NAA60: variants seen among roughly 807,000 people sequenced by gnomAD.
The protein encoded by NAA60 is N-alpha-acetyltransferase 60.
NAA60 carries 8 observed loss-of-function variants against 26.1 expected under a neutral mutation model. The ratio of observed to expected loss-of-function variants is 0.31; its 90% CI spans 0.18 to 0.55. The LOEUF (loss-of-function observed/expected upper bound fraction) is 0.55. NAA60 is among the 20% of genes least tolerant of loss of function. The pLI, the probability that NAA60 is intolerant of heterozygous loss-of-function variation, is 0.93. For synonymous variants in NAA60, 131 were observed against 122.5 expected (o/e 1.07, Z -0.46); for missense variants, 290 against 311.3 (o/e 0.93, Z 0.51).
At position 3,484,922 on chromosome 16, in the gene NAA60, T is replaced by TCTGA; in HGVS notation, c.*69_*72dup. The TCTGA allele has an allele frequency of 1.9e-6, 3 of 1,544,476 alleles. No individual in the cohort carries two copies. The highest frequency in any genetic ancestry group is 1.7e-6 in the Non-Finnish European group (2 of 1,146,308). On this transcript the variant is annotated 3_prime_UTR_variant, in exon 7 of 8. Transcript: ENST00000407558. The stretch of plus-strand genomic sequence containing the variant: ...CCCGCAGAGCCCGCCTTCCTGTCCA[T>TCTGA]CTGACCCCTTCTGTTTTCTGCAAGG...
At chr16:3,483,321 C>A in intron 5 of NAA60, 42 bp from the exon 6 acceptor site, 1 of 1,460,840 alleles carries the variant, frequency 6.8e-7, no homozygotes, top group Non-Finnish European at 9.4e-7. Flanking sequence ...TCCTTCCTTC[C>A]TAACTGCTCT....
intron 2 of NAA60, chr16:3,449,908 G>A (rs945972786): frequency 5.9e-5 from 23 of 392,022 alleles, no homozygotes; most frequent in African/African-American, 1.0e-4. Context: ...ACCTTCCACC[G>A]TAATTGTGAG....
intron 2 of NAA60, among the ~76,000 whole-genome samples, chr16:3,453,964 G>A (rs1256679592): frequency 6.6e-6 from 1 of 152,096 alleles, no homozygotes; most frequent in East Asian, 1.9e-4. Flanking sequence ...TGTGGGAGGT[G>A]GTGGTTGGAA....
intron 2 of NAA60, among the ~76,000 whole-genome samples, chr16:3,463,477 A>G (rs1317416933): frequency 2.7e-5 from 4 of 149,988 alleles, no homozygotes; most frequent in Middle Eastern, 6.9e-3. Flanking sequence ...ACTTGAGCCC[A>G]GGAGGTGGAG....
rs1161927479 is a variant in NAA60 at position 3,486,766 on chromosome 16, A to T, written c.*1506A>T. 1.3e-5 allele frequency: 2 copies of T among 152,182 alleles called. No homozygotes were observed. The highest frequency in any genetic ancestry group is 2.9e-5 in the Non-Finnish European group (2 of 68,036). The allele number at this position is 152,182 out of a possible 1,614,324, so 9.4% of individuals were successfully genotyped here. A position where few individuals can be genotyped will look rare whatever the true frequency, so the allele number is the denominator to read the frequency against. On this transcript the variant is annotated 3_prime_UTR_variant, in exon 8 of 8. Coordinates refer to ENST00000407558, the MANE Select transcript of NAA60 (RefSeq NM_001083601.3). ...ACTGCGAATCAGTGGCGATCATGTG[A>T]TTTCTATTTCTGCCCCACAGGGTAA...
In NAA60 at chr16:3,460,367, CGTT is replaced by C. The variant is rs143043641; in HGVS notation, c.-7+11834_-7+11836del. ...TTGTTTGTTTTTGTTTTTTTGTTGT[CGTT>C]GTTGTTTTTTGGAGATAGGTTCTCA... is the stretch of plus-strand genomic sequence containing the variant. On this transcript the variant is annotated intron_variant, in intron 2 of 7. Coordinates refer to ENST00000407558, the MANE Select transcript of NAA60 (RefSeq NM_001083601.3). Among the ~76,000 whole-genome samples, 1,101 of 152,096 alleles carry C rather than the reference CGTT, an allele frequency of 7.2e-3. 16 individuals are homozygous for C. The highest frequency in any genetic ancestry group is 0.024 in the African/African-American group (988 of 41,458).
Position 3,484,998 on chromosome 16 carries a change from G to A in NAA60, c.*143G>A, listed in dbSNP as rs886171301. 1.0e-5 allele frequency: 16 copies of A among 1,525,488 alleles called. No homozygotes were observed. The highest frequency in any genetic ancestry group is 6.9e-5 in the African/African-American group (5 of 72,722). 94.5% of individuals were successfully genotyped at this position (1,525,488 alleles called of 1,614,324 possible). On this transcript the variant is annotated 3_prime_UTR_variant, in exon 7 of 8. Transcript: ENST00000407558. ...GTCGGCCTGCCCCAGCTGCAGGCCCGGTGCTACACGGGCTCGGGAACAGAA... is the reference window on the plus strand; with the variant it reads ...GTCGGCCTGCCCCAGCTGCAGGCCCAGTGCTACACGGGCTCGGGAACAGAA...
intron 2 of NAA60, among the ~76,000 whole-genome samples, chr16:3,463,944 G>T (rs546709477): frequency 6.6e-6 from 1 of 152,248 alleles, no homozygotes; most frequent in African/African-American, 2.4e-5. Flanking sequence ...AAAAGATCCA[G>T]TAATACAGAA....
intron 2 of NAA60, among the ~76,000 whole-genome samples, chr16:3,454,390 A>G (rs1230713852): frequency 6.6e-6 from 1 of 152,174 alleles, no homozygotes; most frequent in African/African-American, 2.4e-5. Flanking sequence ...GGCAAGAGAA[A>G]AGCGATAATA....
In NAA60 at chr16:3,479,605, G is replaced by C; in HGVS notation, c.240+5G>C. On this transcript the variant is annotated splice_donor_5th_base_variant and intron_variant, in intron 4 of 7. Coordinates refer to ENST00000407558, the MANE Select transcript of NAA60 (RefSeq NM_001083601.3). The stretch of plus-strand genomic sequence containing the variant: ...AGGACCAAAATACATAAAGAGGTAC[G>C]TACGTGTGTGCAGTGAGGACTTGGC... 6.2e-7 allele frequency: 1 copy of C among 1,613,848 alleles called. No individual in the cohort carries two copies.
intron 4 of NAA60, among the ~76,000 whole-genome samples, chr16:3,480,339 G>A (rs1413648538): frequency 6.6e-6 from 1 of 152,236 alleles, no homozygotes; most frequent in East Asian, 1.9e-4. Flanking sequence ...GCTCATGCCT[G>A]TAATCTCAGC....
chr16:3,449,947 C>A, intron 2 of NAA60: 1 of 397,718 alleles, frequency 2.5e-6, no homozygotes, highest in South Asian at 1.3e-4. Context: ...AACTGTAAGT[C>A]CATTAAACCT....
chr16:3,474,723 C>T (rs1048821861), intron 2 of NAA60, among the ~76,000 whole-genome samples: 1 of 152,230 alleles, frequency 6.6e-6, no homozygotes, highest in Non-Finnish European at 1.5e-5. Flanking sequence ...CTGCCCCCAG[C>T]AGCTTTCAGC....
chr16:3,448,890 G>T (rs2034659453), intron 2 of NAA60: 3 of 225,160 alleles, frequency 1.3e-5, no homozygotes, highest in Admixed American at 1.0e-4. Context: ...GACTCTCCCA[G>T]TGTGCTGCCC....
Position 3,458,126 on chromosome 16 carries a change from C to T in NAA60, c.-7+9586C>T, listed in dbSNP as rs551895116. 43 of 985,268 alleles carry T rather than the reference C, an allele frequency of 4.4e-5. No homozygotes were observed. In the African/African-American group the frequency reaches 6.8e-4, roughly 16 times the overall value. The allele number at this position is 985,268 out of a possible 1,614,324, so 61.0% of individuals were successfully genotyped here. A position where few individuals can be genotyped will look rare whatever the true frequency, so the allele number is the denominator to read the frequency against. On this transcript the variant is annotated intron_variant, in intron 2 of 7. Transcript: ENST00000407558. ...GGTCCCACTTCCCGGCTCCCTTCGC[C>T]TCCAGGATGCGCTGAGCCCTACAAC...
intron 1 of NAA60, among the ~76,000 whole-genome samples, chr16:3,447,160 C>A (rs995041191): frequency 3.3e-5 from 5 of 152,146 alleles, no homozygotes; most frequent in African/African-American, 1.2e-4. Context: ...AAGTATATAT[C>A]TTTTCCCTAG....
At chr16:3,458,532 T>G (rs2035150441) in intron 2 of NAA60, among the ~76,000 whole-genome samples, 1 of 152,112 alleles carries the variant, frequency 6.6e-6, no homozygotes, top group African/African-American at 2.4e-5. Context: ...ATGGGTACCC[T>G]GTGGGGTGTC....
At chr16:3,454,958 G>C (rs911257338) in intron 2 of NAA60, among the ~76,000 whole-genome samples, 1 of 152,200 alleles carries the variant, frequency 6.6e-6, no homozygotes, top group Admixed American at 6.5e-5. Flanking sequence ...CGAATGAACC[G>C]TTGTGAAGAT....
intron 3 of NAA60, among the ~76,000 whole-genome samples, chr16:3,478,578 A>G (rs369004859): frequency 1.3e-5 from 2 of 152,052 alleles, no homozygotes; most frequent in Admixed American, 6.6e-5. Flanking sequence ...GTTAATGACC[A>G]TGTCCTGGGC....
Sources: allele counts gnomAD v4.1 joint callset (sites outside exome capture counted in the v4.1 genomes callset), GRCh38; gene constraint gnomAD v4.1.1; transcripts MANE v1.5; gene names NCBI Gene and HGNC (gene_info 2026-07-23, HGNC 2026-07-21).